The following NDUFAF6 variants were observed in gnomAD, a reference collection of about 807,000 sequenced individuals.
NDUFAF6 encodes NADH:ubiquinone oxidoreductase complex assembly factor 6, also known as NADH dehydrogenase (ubiquinone) complex I, assembly factor 6.
NDUFAF6 carries 45 observed loss-of-function variants against 40.8 expected under a neutral mutation model. The observed-to-expected ratio is 1.10, with a 90% CI of 0.87 to 1.42. NDUFAF6 has a LOEUF of 1.42. Ranked by LOEUF, NDUFAF6 falls within the 40% of genes most tolerant of loss-of-function variation. NDUFAF6 has a pLI of 0.00. For synonymous variants in NDUFAF6, 185 were observed against 155.9 expected (o/e 1.19, Z -1.39); for missense variants, 435 against 418.5 (o/e 1.04, Z -0.34).
chr8:95,028,991 G>A (rs1410325530), intron 1 of NDUFAF6, among the ~76,000 whole-genome samples: 1 of 152,178 alleles, frequency 6.6e-6, no homozygotes. Flanking sequence ...TCTTGAGATA[G>A]CAAGGTTACT....
At chr8:95,095,295 G>A (rs1809419772) in intron 2 of NDUFAF6, among the ~76,000 whole-genome samples, 1 of 152,176 alleles carries the variant, frequency 6.6e-6, no homozygotes, top group Admixed American at 6.5e-5. Flanking sequence ...CCAGAGATGG[G>A]GGTGAAGCTA....
intron 8 of NDUFAF6, among the ~76,000 whole-genome samples, chr8:95,056,721 G>A (rs1214585857): frequency 6.6e-6 from 1 of 151,824 alleles, no homozygotes; most frequent in Non-Finnish European, 1.5e-5. Flanking sequence ...CCTGGCCAAT[G>A]TGGTGAAACC....
At chr8:95,031,790 G>A (rs1349282030) in intron 1 of NDUFAF6, among the ~76,000 whole-genome samples, 4 of 152,166 alleles carry the variant, frequency 2.6e-5, no homozygotes, top group Admixed American at 6.5e-5. Context: ...TAGTAGAGAC[G>A]AGGTTTCACC....
At chr8:95,086,609 T>C (rs938157587) in intron 2 of NDUFAF6, among the ~76,000 whole-genome samples, 11 of 150,392 alleles carry the variant, frequency 7.3e-5, no homozygotes, top group Non-Finnish European at 1.5e-4. Flanking sequence ...TTTTCTTTTT[T>C]TTTTTTTTTT....
chr8:94,964,368 G>T (rs907057949), intron 1 of NDUFAF6, among the ~76,000 whole-genome samples: 2 of 150,256 alleles, frequency 1.3e-5, no homozygotes, highest in Admixed American at 6.7e-5. Flanking sequence ...GGTTGAGGCT[G>T]CTGTGAGCTA....
chr8:95,044,478 G>A (rs1366781714), intron 4 of NDUFAF6: 1 of 122,094 alleles, frequency 8.2e-6, no homozygotes, highest in Non-Finnish European at 1.6e-5. Context: ...TTGAGACAGA[G>A]TCTCACTCTT....
chr8:94,964,954 T>C (rs1200926968), intron 1 of NDUFAF6, among the ~76,000 whole-genome samples: 2 of 152,180 alleles, frequency 1.3e-5, no homozygotes, highest in East Asian at 3.8e-4. Context: ...TCTTTCCTCT[T>C]CTCAGGTCCA....
At chr8:94,949,722 G>A (rs767356200) in intron 2 of NDUFAF6, among the ~76,000 whole-genome samples, 2 of 152,182 alleles carry the variant, frequency 1.3e-5, no homozygotes, top group Non-Finnish European at 2.9e-5. Context: ...AACGGGAAGG[G>A]CAGAGGTGGA....
intron 2 of NDUFAF6, among the ~76,000 whole-genome samples, chr8:95,007,673 T>G (rs1000215804): frequency 4.7e-5 from 7 of 150,484 alleles, no homozygotes; most frequent in African/African-American, 9.8e-5. Flanking sequence ...TTTTTTTTTT[T>G]TTTTTTTTTA....
intron 2 of NDUFAF6, among the ~76,000 whole-genome samples, chr8:95,004,525 T>C (rs1404052989): frequency 1.3e-5 from 2 of 151,736 alleles, no homozygotes; most frequent in African/African-American, 2.4e-5. Flanking sequence ...TAATTTTTTA[T>C]ATTTTGTAGA....
In NDUFAF6 at chr8:95,025,015, G is replaced by A. The variant is rs775467342; in HGVS notation, c.7G>A (p.Ala3Thr). 6 of 1,344,126 alleles carry A rather than the reference G, an allele frequency of 4.5e-6. No individual in the cohort carries two copies. The East Asian group carries it at 1.8e-4, about 41-fold the overall frequency. 83.3% of individuals were successfully genotyped at this position (1,344,126 alleles called of 1,614,324 possible). Reference protein sequence around the residue: MAASAHGSVWGPL... With the variant: MATSAHGSVWGPL... ...GGCACGCAGTGCCGGCGTCATGGCG[G>A]CCTCCGCGCACGGCTCTGTCTGGGG... The change falls in exon 1 of 9, where the codon GCC becomes ACC. Residue 3 changes from alanine to threonine, a missense_variant. Ala to Thr is a moderately conservative substitution (Grantham distance 58). Transcript: ENST00000396124.
chr8:94,907,210 A>G (rs1818449504), intron 1 of NDUFAF6, among the ~76,000 whole-genome samples: 3 of 152,204 alleles, frequency 2.0e-5, no homozygotes, highest in Non-Finnish European at 2.9e-5. Context: ...CATTTAATCA[A>G]ATGGCATCAA....
chr8:95,118,050 T>G (rs1254481899), downstream of NDUFAF6, among the ~76,000 whole-genome samples: 9 of 152,338 alleles, frequency 5.9e-5, no homozygotes, highest in East Asian at 1.7e-3. Flanking sequence ...TGACTGGAGC[T>G]GCAGTCACCC....
chr8:94,909,380 A>AAAC lies in NDUFAF6; in HGVS notation c.-936+13455_-936+13457dup, dbSNP rs1563700275. On this transcript the variant is annotated intron_variant, in intron 1 of 14. Transcript: ENST00000396113. ...AAAAAAAAAAAAAAAAAAAAAAAAA[A>AAAC]AACACTTCGGGAGGCCAAGGCGGAT... Among the ~76,000 whole-genome samples the AAAC allele has an allele frequency of 6.6e-4, 38 of 57,742 alleles. 1 individual carries two copies. The highest frequency in any genetic ancestry group is 1.8e-3 in the African/African-American group (33 of 18,172). The allele number at this position is 57,742 out of a possible 152,430, so 37.9% of individuals were successfully genotyped here.
At chr8:94,960,977 G>T (rs1185339119) in intron 1 of NDUFAF6, among the ~76,000 whole-genome samples, 9 of 152,292 alleles carry the variant, frequency 5.9e-5, no homozygotes, top group Admixed American at 2.6e-4. Flanking sequence ...AAAACATCTT[G>T]TGAGAGACCA....
chr8:95,022,093 A>G (rs1405733339), upstream of NDUFAF6, among the ~76,000 whole-genome samples: 1 of 152,044 alleles, frequency 6.6e-6, no homozygotes, highest in East Asian at 1.9e-4. Flanking sequence ...TAAGGATTGA[A>G]TAAGGGCATA....
At chr8:95,047,742 C>T (rs1338197572) in intron 6 of NDUFAF6, among the ~76,000 whole-genome samples, 1 of 151,824 alleles carries the variant, frequency 6.6e-6, no homozygotes, top group Non-Finnish European at 1.5e-5. Flanking sequence ...ATCTCCTGAA[C>T]TCGTGATTCG....
Position 95,057,924 on chromosome 8 carries a change from GA to G in NDUFAF6, c.994del (p.Thr332HisfsTer9). The stretch of plus-strand genomic sequence containing the variant: ...TTATATTTGTATATTCAGTCATGGA[GA>G]AAAACATATTAAAATAATTTCATGG... ...LPLYLYIQSW[R>X]KTY On this transcript the variant is annotated frameshift_variant, in exon 9 of 9. Transcript: ENST00000396124. LOFTEE classifies it high-confidence loss of function. 2.0e-6 allele frequency: 3 copies of G among 1,537,834 alleles called. No homozygotes were observed. The highest frequency in any genetic ancestry group is 2.7e-6 in the Non-Finnish European group (3 of 1,111,530).
In NDUFAF6 at chr8:95,068,251, A is replaced by T. The variant is rs185734896; in HGVS notation, c.*512-7382A>T. 1.6e-4 allele frequency: 25 copies of T among 152,040 alleles called. 1 individual carries two copies. The highest frequency in any genetic ancestry group is 5.6e-4 in the African/African-American group (23 of 41,280). The allele number at this position is 152,040 out of a possible 1,614,324, so 9.4% of individuals were successfully genotyped here. ...AGCATCTTCTTATGCATGTTTATACATAATGTCCAGGGTTTTAGTTGTACT... is the reference window on the plus strand; with the variant it reads ...AGCATCTTCTTATGCATGTTTATACTTAATGTCCAGGGTTTTAGTTGTACT... On this transcript the variant is annotated intron_variant and NMD_transcript_variant, in intron 9 of 9. Transcript: ENST00000520757.
Sources: gnomAD v4.1 joint callset for allele counts (sites outside exome capture counted in the v4.1 genomes callset) on GRCh38, gnomAD v4.1.1 for gene constraint, MANE v1.5 for transcripts, NCBI Gene and HGNC (gene_info 2026-07-23, HGNC 2026-07-21) for gene names.